The following COL25A1 variants were observed in gnomAD, a reference collection of about 807,000 sequenced individuals.
COL25A1 encodes collagen type XXV alpha 1 chain, also known as collagen alpha-1(XXV) chain.
COL25A1 carries 103 observed loss-of-function variants against 128.4 expected under a neutral mutation model. The observed-to-expected ratio is 0.80, with a 90% CI of 0.68 to 0.94. COL25A1 has a LOEUF of 0.94. Among genes scored for constraint, COL25A1 ranks in the 40% least tolerant of loss-of-function variants. The pLI is 0.00. For synonymous variants in COL25A1, 279 were observed against 277.2 expected (o/e 1.01, Z -0.06); for missense variants, 745 against 840.0 (o/e 0.89, Z 1.40).
intron 5 of COL25A1, among the ~76,000 whole-genome samples, chr4:109,013,871 AG>A (rs1456541844): frequency 1.3e-5 from 2 of 151,900 alleles, no homozygotes; most frequent in African/African-American, 4.8e-5. Context: ...TCTTGAAGTC[AG>A]TGAGACCAAG....
chr4:109,072,539 A>C (rs1763055254), intron 3 of COL25A1, among the ~76,000 whole-genome samples: 3 of 151,966 alleles, frequency 2.0e-5, no homozygotes, highest in Admixed American at 2.0e-4. Flanking sequence ...AGATTTTAGA[A>C]CTCTGTTCTC....
intron 2 of COL25A1, among the ~76,000 whole-genome samples, chr4:109,301,103 CT>C (rs150392846): frequency 0.028 from 4,309 of 152,190 alleles, 92 homozygotes; most frequent in Non-Finnish European, 0.043. Context: ...TTACTCTAGT[CT>C]AAAGGTACCC....
chr4:109,289,002 CACATAT>C (rs1159443387), intron 3 of COL25A1, among the ~76,000 whole-genome samples: 2 of 137,882 alleles, frequency 1.5e-5, no homozygotes, highest in African/African-American at 3.1e-5. Context: ...CACACACACA[CACATAT>C]ATATACAAAA....
At chr4:109,082,138 T>C (rs1294421542) in intron 3 of COL25A1, among the ~76,000 whole-genome samples, 1 of 152,252 alleles carries the variant, frequency 6.6e-6, no homozygotes, top group Non-Finnish European at 1.5e-5. Context: ...GTATCAGTAC[T>C]ACATTCAATT....
chr4:108,937,906 C>A (rs114504357), intron 10 of COL25A1, 63 bp from the exon 11 acceptor site: 35,135 of 1,358,470 alleles, frequency 0.026, 633 homozygotes, highest in Middle Eastern at 0.043. Flanking sequence ...ACCCTTCAAT[C>A]ATTTTTTCTT....
At chr4:109,125,244 G>A (rs1768484411) in intron 3 of COL25A1, among the ~76,000 whole-genome samples, 1 of 152,110 alleles carries the variant, frequency 6.6e-6, no homozygotes, top group Non-Finnish European at 1.5e-5. Context: ...TAATCCTGAT[G>A]GTATTACCTC....
chr4:109,018,618 C>A (rs1189777472), intron 5 of COL25A1, among the ~76,000 whole-genome samples: 2 of 152,180 alleles, frequency 1.3e-5, no homozygotes, highest in Non-Finnish European at 2.9e-5. Context: ...ACACTTGCAG[C>A]ACCAGGGAGT....
rs578132883 is a variant in COL25A1, at chr4:109,130,387, T to C, written c.368-80208A>G. On this transcript the variant is annotated intron_variant, in intron 3 of 37. Coordinates refer to ENST00000399132, the MANE Select transcript of COL25A1 (RefSeq NM_198721.4). ...CACATTAAAGAATTATAAATAGTAA[T>C]AGAAGGTAGCACATAAATAGATGTC... 4.6e-5 allele frequency among the ~76,000 whole-genome samples: 7 copies of C among 152,052 alleles called. No homozygotes were observed. In the East Asian group the frequency reaches 1.4e-3, roughly 29 times the overall value.
chr4:108,895,780 G>A (rs890253043), intron 16 of COL25A1, among the ~76,000 whole-genome samples: 3 of 151,868 alleles, frequency 2.0e-5, no homozygotes, highest in African/African-American at 7.3e-5. Context: ...TAATGGATAA[G>A]TTCTTTAGTG....
chr4:109,276,903 C>T (rs1399518173), intron 3 of COL25A1, among the ~76,000 whole-genome samples: 1 of 152,174 alleles, frequency 6.6e-6, no homozygotes, highest in African/African-American at 2.4e-5. Context: ...GGAAGACAAC[C>T]ACCACGCTTT....
At chr4:109,198,504 T>C (rs910216749) in intron 3 of COL25A1, among the ~76,000 whole-genome samples, 4 of 152,312 alleles carry the variant, frequency 2.6e-5, no homozygotes, top group East Asian at 1.9e-4. Flanking sequence ...TTAAATTTAC[T>C]GATAACCAGG....
At chr4:109,016,441 G>A (rs145159800) in intron 5 of COL25A1, among the ~76,000 whole-genome samples, 1,596 of 152,348 alleles carry the variant, frequency 0.01, 30 homozygotes, top group African/African-American at 0.033. Flanking sequence ...ATTCCTAGGC[G>A]GAAAGGGGCG....
chr4:109,187,158 G>A (rs1775212884), intron 3 of COL25A1, among the ~76,000 whole-genome samples: 1 of 106,180 alleles, frequency 9.4e-6, no homozygotes, highest in African/African-American at 2.6e-5. Flanking sequence ...TTTTAATAGT[G>A]ACACAGAGTC....
intron 6 of COL25A1, among the ~76,000 whole-genome samples, chr4:108,987,762 G>A (rs1753794603): frequency 6.6e-6 from 1 of 152,104 alleles, no homozygotes; most frequent in Non-Finnish European, 1.5e-5. Flanking sequence ...ATAGACTTTT[G>A]AGTTTCTGGA....
rs1375131025 is a variant in COL25A1, at chr4:108,963,429, T to A, written c.492+10938A>T. ...ACCAGCTAAAGTATAAATTGGATTT[T>A]TTTTGTCCATTTCAAATACAGGTTT... On this transcript the variant is annotated intron_variant, in intron 8 of 37. Coordinates refer to ENST00000399132, the MANE Select transcript of COL25A1 (RefSeq NM_198721.4). Among the ~76,000 whole-genome samples, 3 of 152,184 alleles carry A rather than the reference T, an allele frequency of 2.0e-5. No individual in the cohort carries two copies. In the East Asian group the frequency reaches 5.8e-4, roughly 29 times the overall value.
chr4:108,948,859 C>A (rs912515459), intron 8 of COL25A1, among the ~76,000 whole-genome samples: 1 of 152,116 alleles, frequency 6.6e-6, no homozygotes, highest in Non-Finnish European at 1.5e-5. Flanking sequence ...AATAAGAAGA[C>A]GGCAGATACA....
Position 109,050,090 on chromosome 4 carries a change from T to C in COL25A1, c.412+45A>G, listed in dbSNP as rs770775617. On this transcript the variant is annotated intron_variant, in intron 4 of 37. Transcript: ENST00000399132. ...ATTAGGAAGAACAGATGCCGGAACT[T>C]AACCAGAACATGAGTGACACAGAGC... The C allele has an allele frequency of 2.6e-6, 4 of 1,545,094 alleles. No homozygotes were observed. In the Admixed American group the frequency reaches 5.2e-5, roughly 20 times the overall value.
At chr4:109,037,265 T>C (rs536196665) in intron 5 of COL25A1, among the ~76,000 whole-genome samples, 1 of 152,324 alleles carries the variant, frequency 6.6e-6, no homozygotes, top group South Asian at 2.1e-4. Flanking sequence ...TGCACAAATA[T>C]GGATTTCATT....
intron 8 of COL25A1, among the ~76,000 whole-genome samples, chr4:108,945,821 T>G (rs1296773379): frequency 6.6e-6 from 1 of 152,042 alleles, no homozygotes; most frequent in Non-Finnish European, 1.5e-5. Flanking sequence ...TGCACCACCA[T>G]GCCCAGCTAT....
Sources: gnomAD v4.1 joint callset for allele counts (sites outside exome capture counted in the v4.1 genomes callset) on GRCh38, gnomAD v4.1.1 for gene constraint, MANE v1.5 for transcripts, NCBI Gene and HGNC (gene_info 2026-07-23, HGNC 2026-07-21) for gene names.